ASPH: variants seen among roughly 807,000 people sequenced by gnomAD.
ASPH encodes the protein aspartate beta-hydroxylase, also known as aspartyl/asparaginyl beta-hydroxylase.
Under a neutral mutation model 118.4 loss-of-function variants are expected in ASPH, and 100 were observed. The observed-to-expected ratio is 0.84, with a 90% CI of 0.72 to 1.00. The LOEUF is 1.00. Ranked by LOEUF, ASPH falls within the 50% of genes least tolerant of loss-of-function variation. The probability of loss-of-function intolerance (pLI) is 0.00; values close to 1 mark genes in which losing one functional copy is unlikely to be tolerated. For synonymous variants in ASPH, 315 were observed against 325.6 expected, an observed-to-expected ratio of 0.97 and a Z score of 0.35; for missense variants, 920 against 919.5, an observed-to-expected ratio of 1.00 and a Z score of -0.01.
intron 12 of ASPH, among the ~76,000 whole-genome samples, chr8:61,634,982 T>C (rs931427133): frequency 6.6e-6 from 1 of 152,202 alleles, no homozygotes; most frequent in African/African-American, 2.4e-5. Flanking sequence ...TTCTAAAAAG[T>C]AAACCGTGAA....
chr8:61,513,994 GTT>G (rs934358354), intron 24 of ASPH, among the ~76,000 whole-genome samples: 4 of 152,044 alleles, frequency 2.6e-5, no homozygotes, highest in African/African-American at 9.7e-5. Flanking sequence ...TCCTGCATTT[GTT>G]TTTTTGTTTT....
chr8:61,642,795 A>C (rs1805809286), intron 10 of ASPH, 93 bp downstream of exon 10: 2 of 1,164,260 alleles, frequency 1.7e-6, no homozygotes, highest in Admixed American at 3.3e-5. Context: ...TAGTGGGCCA[A>C]GATTGTGCCA....
At chr8:61,572,951 A>G (rs1272637011) in intron 16 of ASPH, among the ~76,000 whole-genome samples, 1 of 152,218 alleles carries the variant, frequency 6.6e-6, no homozygotes, top group Non-Finnish European at 1.5e-5. Context: ...ATGATTGTAT[A>G]TTTAGAAAAC....
intron 2 of ASPH, chr8:61,682,362 T>C: frequency 7.0e-7 from 1 of 1,429,170 alleles, no homozygotes; most frequent in Admixed American, 1.8e-5. Flanking sequence ...ATGTAGATAA[T>C]AATTAAATTA....
At position 61,674,013 on chromosome 8, in the gene ASPH, T is replaced by G. The variant is rs957986460; in HGVS notation, c.322+6955A>C. ...ACAAAAATAAAGCATAATTAATTTCTGTACATAAAATATGCATTAGTAGGG... is the reference window on the plus strand; with the variant it reads ...ACAAAAATAAAGCATAATTAATTTCGGTACATAAAATATGCATTAGTAGGG... On this transcript the variant is annotated intron_variant, in intron 3 of 24. Coordinates refer to ENST00000379454, the MANE Select transcript of ASPH (RefSeq NM_004318.4). Among the ~76,000 whole-genome samples, 5 of 152,240 alleles carry G rather than the reference T, an allele frequency of 3.3e-5. 1 individual carries two copies. The South Asian group carries it at 1.0e-3, about 31-fold the overall frequency.
At chr8:61,585,088 G>C (rs555557434) in intron 14 of ASPH, among the ~76,000 whole-genome samples, 1 of 152,176 alleles carries the variant, frequency 6.6e-6, no homozygotes, top group Non-Finnish European at 1.5e-5. Flanking sequence ...GTGGTACCGT[G>C]TCTTAAAAGC....
intron 1 of ASPH, among the ~76,000 whole-genome samples, chr8:61,688,569 T>C (rs1234583341): frequency 2.0e-5 from 3 of 152,192 alleles, no homozygotes; most frequent in African/African-American, 7.2e-5. Flanking sequence ...TTATAGATCA[T>C]TTATAAGTTT....
chr8:61,541,641 A>T (rs1460101435), intron 21 of ASPH, among the ~76,000 whole-genome samples: 1 of 152,202 alleles, frequency 6.6e-6, no homozygotes, highest in East Asian at 1.9e-4. Flanking sequence ...TCTTAATGTC[A>T]CAGTCACTAC....
Position 61,646,823 on chromosome 8 carries a change from C to T in ASPH, c.546G>A (p.Glu182=), listed in dbSNP as rs777861394. The T allele has an allele frequency of 6.8e-6, 11 of 1,613,960 alleles. No individual in the cohort carries two copies. Among genetic ancestry groups the T allele is most frequent in the African/African-American group, 1.3e-5 (1 of 75,010 alleles). Residue 182 remains glutamate, a synonymous_variant, in exon 6 of 25, where the codon GAG becomes GAA. Coordinates refer to ENST00000379454, the MANE Select transcript of ASPH (RefSeq NM_004318.4). ...CAGTCGCCATAAGAAACTCATCATC[C>T]TCTTGTTGTGGTTCTCCTGTGGGTC... is the stretch of plus-strand genomic sequence containing the variant. The part of the protein sequence containing the change: ...EDGPTGEPQQ[E]DDEFLMATDV...
At chr8:61,672,652 A>T (rs1255339822) in intron 3 of ASPH, among the ~76,000 whole-genome samples, 1 of 152,176 alleles carries the variant, frequency 6.6e-6, no homozygotes, top group Non-Finnish European at 1.5e-5. Context: ...TTGAAGGAGA[A>T]TTCAAATAAA....
At chr8:61,511,616 T>C (rs1430349412) in intron 24 of ASPH, among the ~76,000 whole-genome samples, 2 of 152,206 alleles carry the variant, frequency 1.3e-5, no homozygotes, top group Non-Finnish European at 2.9e-5. Context: ...CTTATCTTTC[T>C]TTTTGAGATG....
intron 16 of ASPH, among the ~76,000 whole-genome samples, chr8:61,568,833 G>T (rs1832619488): frequency 6.6e-6 from 1 of 152,180 alleles, no homozygotes; most frequent in Non-Finnish European, 1.5e-5. Context: ...TGAGATGGAA[G>T]GAGGTGGAGA....
intron 21 of ASPH, 85 bp downstream of exon 21, chr8:61,547,986 C>A: frequency 6.9e-7 from 1 of 1,453,704 alleles, no homozygotes; most frequent in South Asian, 1.5e-5. Context: ...TCTTCCCTGA[C>A]ATTCCTTTTT....
chr8:61,678,847 C>T (rs994269865), intron 3 of ASPH, among the ~76,000 whole-genome samples: 2 of 152,068 alleles, frequency 1.3e-5, no homozygotes, highest in Non-Finnish European at 2.9e-5. Context: ...TGAGAACGTA[C>T]CTTGGAAGTC....
intron 16 of ASPH, among the ~76,000 whole-genome samples, chr8:61,571,443 C>T (rs1158118966): frequency 6.6e-6 from 1 of 152,154 alleles, no homozygotes; most frequent in Non-Finnish European, 1.5e-5. Flanking sequence ...ATTGCCTATC[C>T]ATATCCTCCT....
chr8:61,698,792 A>G (rs978710021), intron 1 of ASPH, among the ~76,000 whole-genome samples: 3 of 152,250 alleles, frequency 2.0e-5, no homozygotes, highest in African/African-American at 7.2e-5. Flanking sequence ...GTCAGGAAAC[A>G]AGAAGAAGAC....
At chr8:61,675,336 T>A in intron 3 of ASPH, 1 of 950,178 alleles carries the variant, frequency 1.1e-6, no homozygotes, top group Non-Finnish European at 1.3e-6. Flanking sequence ...ATGCCTACTT[T>A]AAAAAAAATA....
chr8:61,540,026 G>T (rs1027069886), intron 21 of ASPH, among the ~76,000 whole-genome samples: 4 of 152,036 alleles, frequency 2.6e-5, no homozygotes, highest in African/African-American at 9.7e-5. Context: ...AAGGCACTTG[G>T]TGCTTTGATA....
intron 3 of ASPH, among the ~76,000 whole-genome samples, chr8:61,670,678 A>G (rs1433949390): frequency 5.3e-5 from 8 of 152,086 alleles, no homozygotes; most frequent in Non-Finnish European, 8.8e-5. Flanking sequence ...TAAGTTCATA[A>G]CAGGAGAGAG....
Sources: allele counts gnomAD v4.1 joint callset (sites outside exome capture counted in the v4.1 genomes callset), GRCh38; gene constraint gnomAD v4.1.1; transcripts MANE v1.5; gene names NCBI Gene and HGNC (gene_info 2026-07-23, HGNC 2026-07-21).